METTL25: variants seen among roughly 807,000 people sequenced by gnomAD.
METTL25 encodes the protein methyltransferase like 25.
Under a neutral mutation model 71.6 loss-of-function variants are expected in METTL25, and 64 were observed. The observed-to-expected ratio is 0.89, with a 90% CI of 0.73 to 1.10. The LOEUF is 1.10. Ranked by LOEUF, METTL25 falls within the 50% of genes least tolerant of loss-of-function variation. The pLI is 0.00. For synonymous variants in METTL25, 287 were observed against 250.3 expected (o/e 1.15, Z -1.38); for missense variants, 807 against 707.0 (o/e 1.14, Z -1.60).
intron 5 of METTL25, among the ~76,000 whole-genome samples, chr12:82,425,883 G>A (rs1160163284): frequency 2.0e-5 from 3 of 152,044 alleles, no homozygotes; most frequent in African/African-American, 7.2e-5. Context: ...CAATCTCTAA[G>A]AGATTATTGA....
At chr12:82,380,072 C>T (rs1440411192) in intron 1 of METTL25, among the ~76,000 whole-genome samples, 1 of 152,170 alleles carries the variant, frequency 6.6e-6, no homozygotes, top group African/African-American at 2.4e-5. Flanking sequence ...CACTCAGTAA[C>T]TTAATTTGGA....
In METTL25 at chr12:82,467,090, G is replaced by A. The variant is rs80045056; in HGVS notation, c.1573-9554G>A. On this transcript the variant is annotated intron_variant, in intron 9 of 11. Coordinates refer to ENST00000248306, the MANE Select transcript of METTL25 (RefSeq NM_032230.3). The stretch of plus-strand genomic sequence containing the variant: ...TAAGCCTGTGAGTGTGTTTTCAGGT[G>A]AGGTAAGTTTCCTACAGGCAGCATA... Among the ~76,000 whole-genome samples the A allele has an allele frequency of 1.9e-4, 29 of 151,504 alleles. No homozygotes were observed. In the East Asian group the frequency reaches 5.3e-3, roughly 28 times the overall value.
intron 7 of METTL25, among the ~76,000 whole-genome samples, chr12:82,435,945 T>A (rs945190271): frequency 1.3e-5 from 2 of 151,396 alleles, no homozygotes; most frequent in Non-Finnish European, 3.0e-5. Flanking sequence ...ACTCTTACTA[T>A]CCCATGATAC....
At chr12:82,419,976 A>G (rs151129434) in intron 5 of METTL25, among the ~76,000 whole-genome samples, 1 of 152,298 alleles carries the variant, frequency 6.6e-6, no homozygotes, top group African/African-American at 2.4e-5. Context: ...CCATTAATGA[A>G]TAAATGGATA....
intron 3 of METTL25, among the ~76,000 whole-genome samples, chr12:82,396,879 G>A (rs568448357): frequency 4.0e-4 from 61 of 152,058 alleles, no homozygotes; most frequent in Non-Finnish European, 8.2e-4. Context: ...CTTCCACTTA[G>A]CACATAGTAT....
chr12:82,448,049 A>G (rs1034065902), intron 8 of METTL25, among the ~76,000 whole-genome samples: 2 of 152,094 alleles, frequency 1.3e-5, no homozygotes, highest in Non-Finnish European at 2.9e-5. Flanking sequence ...ATTCTCTTTG[A>G]GATATTTTTA....
At chr12:82,462,324 ATTT>A (rs1186674430) in intron 9 of METTL25, among the ~76,000 whole-genome samples, 3 of 152,104 alleles carry the variant, frequency 2.0e-5, no homozygotes, top group Non-Finnish European at 2.9e-5. Context: ...TCTAGCTATA[ATTT>A]TGTATTCTTT....
At chr12:82,405,434 T>G (rs888732893) in intron 5 of METTL25, among the ~76,000 whole-genome samples, 15 of 152,320 alleles carry the variant, frequency 9.8e-5, no homozygotes, top group Admixed American at 4.6e-4. Flanking sequence ...ATCATTATTT[T>G]ATGGTAACCA....
chr12:82,388,014 T>G (rs1885214790), intron 2 of METTL25, among the ~76,000 whole-genome samples: 1 of 152,134 alleles, frequency 6.6e-6, no homozygotes. Context: ...GTCTATTTAG[T>G]CTTTTCAATC....
intron 1 of METTL25, chr12:82,374,096 A>C (rs1883558335): frequency 6.3e-6 from 1 of 159,740 alleles, no homozygotes; most frequent in Non-Finnish European, 1.3e-5. Context: ...ACACTCTTTA[A>C]GATGGTGTGT....
chr12:82,479,116 T>A lies in METTL25; in HGVS notation c.*92T>A. The A allele has an allele frequency of 1.1e-6, 1 of 904,254 alleles. No homozygotes were observed. Among genetic ancestry groups the A allele is most frequent in the Non-Finnish European group, 1.7e-6 (1 of 574,668 alleles). The allele number at this position is 904,254 out of a possible 1,614,324, so 56.0% of individuals were successfully genotyped here. A position where few individuals can be genotyped will look rare whatever the true frequency, so the allele number is the denominator to read the frequency against. On this transcript the variant is annotated 3_prime_UTR_variant, in exon 12 of 12. Transcript: ENST00000248306. ...ACATATATGTCCTGTTATACAAAAA[T>A]TTTTAAATGACTGTTATGTATTTTA...
intron 9 of METTL25, among the ~76,000 whole-genome samples, chr12:82,469,916 T>G (rs1183814893): frequency 6.6e-6 from 1 of 152,184 alleles, no homozygotes; most frequent in Admixed American, 6.5e-5. Flanking sequence ...CTCAAAACTC[T>G]GTGTAGTCAG....
intron 1 of METTL25, among the ~76,000 whole-genome samples, chr12:82,365,288 T>C (rs1882434847): frequency 6.6e-6 from 1 of 152,220 alleles, no homozygotes; most frequent in African/African-American, 2.4e-5. Context: ...AATCAATAAC[T>C]GTTCTTTCCC....
intron 8 of METTL25, among the ~76,000 whole-genome samples, chr12:82,440,308 C>G (rs1890223011): frequency 6.6e-6 from 1 of 151,944 alleles, no homozygotes; most frequent in East Asian, 1.9e-4. Context: ...TTTCAGAAGT[C>G]CACATCCACT....
chr12:82,403,517 C>CT (rs1051127725), intron 5 of METTL25, among the ~76,000 whole-genome samples: 1 of 151,970 alleles, frequency 6.6e-6, no homozygotes, highest in African/African-American at 2.4e-5. Context: ...TTTCCAAAGC[C>CT]TTTTTTCATA....
At position 82,394,310 on chromosome 12, in the gene METTL25, T is replaced by C. The variant is rs139685250; in HGVS notation, c.531+4388T>C. 5.3e-5 allele frequency among the ~76,000 whole-genome samples: 8 copies of C among 152,140 alleles called. No homozygotes were observed. In the East Asian group the frequency reaches 1.5e-3, roughly 29 times the overall value. ...CTGTTGAAGTCCCCAACTATTATTA[T>C]ATTTTTAAAATGCGATTTAATAAAT... On this transcript the variant is annotated intron_variant, in intron 3 of 11. Coordinates refer to ENST00000248306, the MANE Select transcript of METTL25 (RefSeq NM_032230.3).
chr12:82,399,106 T>C lies in METTL25; in HGVS notation c.843T>C (p.Phe281=). ...KMPTSAILPD[F]SGSVISNIRN... is the part of the protein sequence containing the mutation. ...CTACCTCAGCTATTTTGCCTGATTTTTCTGGCTCTGTAATTTCTAATATCA... is the reference window on the plus strand; with the variant it reads ...CTACCTCAGCTATTTTGCCTGATTTCTCTGGCTCTGTAATTTCTAATATCA... Residue 281 remains phenylalanine, a synonymous_variant, in exon 4 of 12, where the codon TTT becomes TTC. Transcript: ENST00000248306. The C allele has an allele frequency of 6.2e-7, 1 of 1,613,792 alleles. No homozygotes were observed. The highest frequency in any genetic ancestry group is 8.5e-7 in the Non-Finnish European group (1 of 1,179,832).
intron 5 of METTL25, among the ~76,000 whole-genome samples, chr12:82,416,785 T>A (rs1006100143): frequency 1.3e-5 from 2 of 152,066 alleles, no homozygotes; most frequent in Non-Finnish European, 2.9e-5. Flanking sequence ...CCTCTTAGTT[T>A]TAATATATTT....
chr12:82,477,549 C>T (rs929698249), intron 11 of METTL25, among the ~76,000 whole-genome samples, 197 bp downstream of exon 11: 1 of 151,638 alleles, frequency 6.6e-6, no homozygotes, highest in Non-Finnish European at 1.5e-5. Flanking sequence ...TTCAGCAAAG[C>T]TGCTATAATA....
Sources: gnomAD v4.1 joint callset for allele counts (sites outside exome capture counted in the v4.1 genomes callset) on GRCh38, gnomAD v4.1.1 for gene constraint, MANE v1.5 for transcripts, NCBI Gene and HGNC (gene_info 2026-07-23, HGNC 2026-07-21) for gene names.